PCSK6: variants seen among roughly 807,000 people sequenced by gnomAD.
PCSK6 encodes proprotein convertase subtilisin/kexin type 6, also known as paired basic amino acid cleaving enzyme 4.
A neutral mutation model predicts 123.3 loss-of-function variants in PCSK6; 85 were observed. The observed-to-expected ratio is 0.69, with a 90% CI of 0.58 to 0.83. PCSK6 has a LOEUF of 0.83. Among genes scored for constraint, PCSK6 ranks in the 40% least tolerant of loss-of-function variants. The pLI is 0.00. For missense variants in PCSK6, 1,191 were observed against 1,282.3 expected (o/e 0.93, Z 1.09); for synonymous variants, 508 against 516.0 (o/e 0.98, Z 0.21).
At chr15:101,345,020 T>C (rs555330096) in intron 13 of PCSK6, among the ~76,000 whole-genome samples, 1 of 152,212 alleles carries the variant, frequency 6.6e-6, no homozygotes, top group African/African-American at 2.4e-5. Flanking sequence ...ACTGAAGTTA[T>C]TGGACTTGTT....
chr15:101,477,983 C>T (rs527847409), intron 1 of PCSK6, among the ~76,000 whole-genome samples: 1 of 152,338 alleles, frequency 6.6e-6, no homozygotes, highest in South Asian at 2.1e-4. Flanking sequence ...AGGACTTCTT[C>T]ACAGGTCCCT....
At chr15:101,472,715 T>C (rs1007684503) in intron 1 of PCSK6, among the ~76,000 whole-genome samples, 1 of 152,102 alleles carries the variant, frequency 6.6e-6, no homozygotes, top group Non-Finnish European at 1.5e-5. Flanking sequence ...ACAAAGCAAC[T>C]ACCTCCAGGA....
chr15:101,390,520 T>G (rs1542807), intron 8 of PCSK6, among the ~76,000 whole-genome samples: 66,862 of 151,992 alleles, frequency 0.44, 15,576 homozygotes, highest in Non-Finnish European at 0.53. Flanking sequence ...CAAGGCTGTT[T>G]GAGAGAGGAA....
intron 1 of PCSK6, among the ~76,000 whole-genome samples, chr15:101,451,614 T>G (rs2057037289): frequency 1.3e-5 from 2 of 152,182 alleles, no homozygotes; most frequent in African/African-American, 4.8e-5. Context: ...AAACAGATGT[T>G]CCAAACCCCG....
At chr15:101,379,239 C>T (rs943385336) in intron 11 of PCSK6, among the ~76,000 whole-genome samples, 2 of 152,228 alleles carry the variant, frequency 1.3e-5, no homozygotes, top group Non-Finnish European at 2.9e-5. Flanking sequence ...ATATTCCAGC[C>T]CACGGCTGGG....
At chr15:101,416,632 A>G (rs1032192160) in intron 6 of PCSK6, among the ~76,000 whole-genome samples, 1 of 152,208 alleles carries the variant, frequency 6.6e-6, no homozygotes, top group African/African-American at 2.4e-5. Flanking sequence ...CAGGAGGAAA[A>G]AGTGGTTTCA....
intron 13 of PCSK6, among the ~76,000 whole-genome samples, chr15:101,363,634 C>CTTGT (rs1555449334): frequency 1.4e-5 from 2 of 140,174 alleles, no homozygotes; most frequent in African/African-American, 5.6e-5. Flanking sequence ...TGTTATAACA[C>CTTGT]TTTTTTTTTT....
intron 19 of PCSK6, among the ~76,000 whole-genome samples, chr15:101,314,075 A>G (rs1031565794): frequency 2.0e-4 from 30 of 152,220 alleles, no homozygotes; most frequent in African/African-American, 7.0e-4. Context: ...GGGAAGATGA[A>G]AGAAGAGATC....
At chr15:101,344,075 CA>C (rs752841885) in intron 13 of PCSK6, among the ~76,000 whole-genome samples, 57 of 140,246 alleles carry the variant, frequency 4.1e-4, no homozygotes, top group Admixed American at 4.3e-4. Context: ...GATTCTGTCT[CA>C]AAAAAAAAAA....
rs1242589551 is a variant in PCSK6, at chr15:101,380,909, GA to G, written c.1532+1182del. ...TTCCAAAGGGAACAAGTAGTTATGGGAAAAACACACTCCGTTCTGTATCAGA... is the reference window on the plus strand; with the variant it reads ...TTCCAAAGGGAACAAGTAGTTATGGGAAAACACACTCCGTTCTGTATCAGA... On this transcript the variant is annotated intron_variant, in intron 11 of 21. Transcript: ENST00000611716. Among the ~76,000 whole-genome samples, 3 of 152,112 alleles carry G rather than the reference GA, an allele frequency of 2.0e-5. No homozygotes were observed. In the East Asian group the frequency reaches 5.8e-4, roughly 29 times the overall value.
At chr15:101,330,811 C>T (rs1303661833) in intron 15 of PCSK6, among the ~76,000 whole-genome samples, 2 of 152,126 alleles carry the variant, frequency 1.3e-5, no homozygotes, top group Non-Finnish European at 2.9e-5. Flanking sequence ...CAGGGGGAAA[C>T]AGAGCAGATT....
At chr15:101,447,191 C>T (rs1441254413) in intron 1 of PCSK6, among the ~76,000 whole-genome samples, 1 of 152,112 alleles carries the variant, frequency 6.6e-6, no homozygotes, top group East Asian at 1.9e-4. Context: ...GAGGTTCTGC[C>T]CCTCCCCAGT....
At chr15:101,356,612 A>G (rs1418653877) in intron 13 of PCSK6, among the ~76,000 whole-genome samples, 1 of 151,614 alleles carries the variant, frequency 6.6e-6, no homozygotes, top group Non-Finnish European at 1.5e-5. Flanking sequence ...CCTGGGAGGC[A>G]GAGGTTGCAG....
At chr15:101,446,888 C>T (rs867861410) in intron 1 of PCSK6, among the ~76,000 whole-genome samples, 109 of 152,304 alleles carry the variant, frequency 7.2e-4, no homozygotes, top group African/African-American at 2.4e-3. Flanking sequence ...CAAGAGGCCC[C>T]GTCCTTCTGT....
chr15:101,361,582 G>A (rs760625286), intron 13 of PCSK6, among the ~76,000 whole-genome samples: 3 of 152,148 alleles, frequency 2.0e-5, no homozygotes, highest in Non-Finnish European at 2.9e-5. Context: ...GGCATGTTAG[G>A]GGAACAGAAC....
At chr15:101,352,884 A>G (rs1195906820) in intron 13 of PCSK6, among the ~76,000 whole-genome samples, 3 of 152,190 alleles carry the variant, frequency 2.0e-5, no homozygotes, top group Non-Finnish European at 4.4e-5. Flanking sequence ...AACATAGTCT[A>G]TAGGAAAAAC....
Position 101,307,291 on chromosome 15 carries a change from T to C in PCSK6, c.2734A>G (p.Ser912Gly), listed in dbSNP as rs745696674. Residue 912 changes from serine to glycine, a missense_variant, in exon 21 of 22, where the codon AGC becomes GGC. By Grantham distance (56) the Ser-to-Gly change is moderately conservative. Coordinates refer to ENST00000611716, the MANE Select transcript of PCSK6 (RefSeq NM_002570.5). ...GTCTTACACCTGCTACAGTTCCTGCTGGAGCCTGCACAGCTCAAGCAGTTC... is the reference window on the plus strand; with the variant it reads ...GTCTTACACCTGCTACAGTTCCTGCCGGAGCCTGCACAGCTCAAGCAGTTC... ...DENCLSCAGS[S>G]RNCSRCKTGF... 15 of 1,613,770 alleles carry C rather than the reference T, an allele frequency of 9.3e-6. 1 individual carries two copies. The South Asian group carries it at 1.6e-4, about 18-fold the overall frequency.
At chr15:101,459,666 C>A (rs1036136504) in intron 1 of PCSK6, among the ~76,000 whole-genome samples, 2 of 150,582 alleles carry the variant, frequency 1.3e-5, no homozygotes, top group African/African-American at 4.9e-5. Flanking sequence ...TGCCCTGTCC[C>A]CTCCATCCCA....
At chr15:101,365,270 A>C (rs911732956) in intron 13 of PCSK6, among the ~76,000 whole-genome samples, 5 of 152,258 alleles carry the variant, frequency 3.3e-5, no homozygotes, top group African/African-American at 9.6e-5. Flanking sequence ...CACAAGCAAC[A>C]GAAGAAAAAA....
Sources: allele counts gnomAD v4.1 joint callset (sites outside exome capture counted in the v4.1 genomes callset), GRCh38; gene constraint gnomAD v4.1.1; transcripts MANE v1.5; gene names NCBI Gene and HGNC (gene_info 2026-07-23, HGNC 2026-07-21).